The following PLAC1 variants were observed in gnomAD, a reference collection of about 807,000 sequenced individuals.
The protein encoded by PLAC1 is placenta-specific protein 1.
For synonymous variants in PLAC1, 68 were observed against 62.1 expected, an observed-to-expected ratio of 1.09 and a Z score of -0.44; for missense variants, 136 against 163.2, an observed-to-expected ratio of 0.83 and a Z score of 0.91.
chrX:134,639,598 T>C (rs1347864584), intron 1 of PLAC1, among the ~76,000 whole-genome samples: 3 of 112,327 alleles, frequency 2.7e-5, no homozygotes, highest in Non-Finnish European at 5.6e-5. Context: ...GAAATTCACA[T>C]AAAATTAAAC....
At chrX:134,663,905 T>C (rs2078426256) in intron 2 of PLAC1, among the ~76,000 whole-genome samples, 1 of 111,596 alleles carries the variant, frequency 9.0e-6, no homozygotes, top group Non-Finnish European at 1.9e-5. Flanking sequence ...TTGGGCTATA[T>C]TTCATCTTTG....
chrX:134,726,818 T>C (rs1197675246), intron 2 of PLAC1, among the ~76,000 whole-genome samples: 1 of 36,122 alleles, frequency 2.8e-5, no homozygotes, highest in Admixed American at 2.6e-4. Context: ...CAAGACTCTG[T>C]CTCAAAAAAA....
At chrX:134,748,463 G>A (rs1270175860) in intron 1 of PLAC1, among the ~76,000 whole-genome samples, 1 of 111,474 alleles carries the variant, frequency 9.0e-6, no homozygotes, top group African/African-American at 3.3e-5. Context: ...ATCTTTGAGG[G>A]CCAGATTCAT....
chrX:134,759,071 G>A (rs868401638), intron 1 of PLAC1, among the ~76,000 whole-genome samples: 76 of 111,258 alleles, frequency 6.8e-4, no homozygotes, highest in African/African-American at 2.4e-3. Flanking sequence ...ACCACAATGA[G>A]ATATCATCTT....
At chrX:134,649,006 C>T (rs868657482) in intron 1 of PLAC1, among the ~76,000 whole-genome samples, 2 of 111,775 alleles carry the variant, frequency 1.8e-5, no homozygotes, top group African/African-American at 3.3e-5. Flanking sequence ...CAGTGGCTCA[C>T]GTCTGTAATC....
intron 2 of PLAC1, among the ~76,000 whole-genome samples, chrX:134,578,270 A>G (rs1003959270): frequency 1.8e-5 from 2 of 108,517 alleles, no homozygotes; most frequent in Middle Eastern, 4.7e-3. Context: ...AAAATTAGCC[A>G]GGCGTGGTGG....
rs190654123 is a variant in PLAC1, at chrX:134,692,271, C to G, written n.174+41164G>C. Among the ~76,000 whole-genome samples the G allele has an allele frequency of 1.6e-4, 18 of 111,938 alleles. No homozygotes were observed. The East Asian group carries it at 2.0e-3, about 12-fold the overall frequency. ...CTTTGCAAAGACTGTCCTTTTCCCC[C>G]CTAGAGACTGCTGCTCTCAGCAGAG... On this transcript the variant is annotated intron_variant and non_coding_transcript_variant, in intron 2 of 2. Coordinates refer to the PLAC1 transcript ENST00000466797.
intron 1 of PLAC1, among the ~76,000 whole-genome samples, chrX:134,764,055 A>T (rs2078777872): frequency 9.0e-6 from 1 of 111,575 alleles, no homozygotes; most frequent in African/African-American, 3.3e-5. Flanking sequence ...ATATCTGGCT[A>T]TGGATCGTTC....
chrX:134,655,871 C>G (rs940752173), intron 1 of PLAC1, among the ~76,000 whole-genome samples: 1 of 112,060 alleles, frequency 8.9e-6, no homozygotes, highest in Non-Finnish European at 1.9e-5. Context: ...GCAGCATTGC[C>G]CAGTCTTCTG....
chrX:134,567,035 T>C (rs1179948715), intron 2 of PLAC1, among the ~76,000 whole-genome samples: 4 of 112,361 alleles, frequency 3.6e-5, no homozygotes, highest in Admixed American at 1.9e-4. Context: ...AACCTCAAGA[T>C]GAACCCAAAA....
intron 1 of PLAC1, among the ~76,000 whole-genome samples, chrX:134,642,960 AAG>A (rs910714864): frequency 9.1e-6 from 1 of 110,113 alleles, no homozygotes; most frequent in Admixed American, 9.8e-5. Flanking sequence ...GAAGAAGAAA[AAG>A]AGAGAGAGAG....
intron 2 of PLAC1, among the ~76,000 whole-genome samples, chrX:134,667,784 G>A (rs1395702108): frequency 9.1e-6 from 1 of 110,316 alleles, no homozygotes; most frequent in Admixed American, 9.7e-5. Flanking sequence ...TTAAATAGCT[G>A]GGTGTGGTGG....
intron 2 of PLAC1, among the ~76,000 whole-genome samples, chrX:134,688,446 A>C (rs1381761373): frequency 8.9e-6 from 1 of 112,485 alleles, no homozygotes; most frequent in East Asian, 2.8e-4. Flanking sequence ...AGGTGTTCCC[A>C]AAGGTTCATT....
chrX:134,623,921 C>A (rs2078223301), intron 1 of PLAC1, among the ~76,000 whole-genome samples: 1 of 111,970 alleles, frequency 8.9e-6, no homozygotes, highest in African/African-American at 3.2e-5. Flanking sequence ...TTTCCCCAAA[C>A]TAAAGAAAGA....
At chrX:134,699,344 A>G (rs1298897541) in intron 2 of PLAC1, among the ~76,000 whole-genome samples, 1 of 111,562 alleles carries the variant, frequency 9.0e-6, no homozygotes. Flanking sequence ...TAATGAGGAC[A>G]CAGCATTCCT....
chrX:134,723,363 A>G (rs1335993673), intron 2 of PLAC1, among the ~76,000 whole-genome samples: 1 of 105,817 alleles, frequency 9.5e-6, no homozygotes, highest in Non-Finnish European at 1.9e-5. Flanking sequence ...GCTGGAGTGC[A>G]GTGGCAGGAT....
At chrX:134,650,891 C>T (rs184447174) in intron 1 of PLAC1, 7 of 156,003 alleles carry the variant, frequency 4.5e-5, no homozygotes, top group Admixed American at 2.1e-4. Context: ...AGTTCAAGTT[C>T]GGCATCTCCC....
At chrX:134,628,965 A>G (rs774322542) in intron 1 of PLAC1, among the ~76,000 whole-genome samples, 3 of 111,996 alleles carry the variant, frequency 2.7e-5, no homozygotes, top group Non-Finnish European at 5.6e-5. Flanking sequence ...GGGCTGGTTC[A>G]AGTTGAAATT....
At chrX:134,681,944 T>A (rs1219403035) in intron 2 of PLAC1, among the ~76,000 whole-genome samples, 1 of 112,152 alleles carries the variant, frequency 8.9e-6, no homozygotes, top group Non-Finnish European at 1.9e-5. Context: ...TTTAAAATGA[T>A]GTTGTGTCCT....
Sources: allele counts gnomAD v4.1 joint callset (sites outside exome capture counted in the v4.1 genomes callset), GRCh38; gene constraint gnomAD v4.1.1; transcripts MANE v1.5; gene names NCBI Gene and HGNC (gene_info 2026-07-23, HGNC 2026-07-21).